MAST4: variants seen among roughly 807,000 people sequenced by gnomAD.
MAST4 encodes the protein microtubule associated serine/threonine kinase family member 4.
Under a neutral mutation model 162.7 loss-of-function variants are expected in MAST4, and 89 were observed. The observed-to-expected ratio is 0.55, with a 90% CI of 0.46 to 0.65. The LOEUF (loss-of-function observed/expected upper bound fraction) is 0.65, where lower values mean the gene tolerates loss of function less well. MAST4 is among the 30% of genes least tolerant of loss of function. MAST4 has a pLI of 0.00. For missense variants in MAST4, 3,153 were observed against 3,374.0 expected (o/e 0.93, Z 1.62); for synonymous variants, 1,479 against 1,361.1 (o/e 1.09, Z -1.91).
intron 8 of MAST4, 100 bp from the exon 9 acceptor site, chr5:67,102,436 T>C: frequency 9.6e-7 from 1 of 1,039,374 alleles, no homozygotes. Context: ...CTTACAAAGG[T>C]TGCATAGTAC....
chr5:66,902,635 T>C (rs1435928526), intron 4 of MAST4: 2 of 457,444 alleles, frequency 4.4e-6, no homozygotes, highest in Non-Finnish European at 9.0e-6. Flanking sequence ...TTGTTTTATA[T>C]ACATTTTTAA....
At chr5:66,780,077 A>G (rs1186985082) in intron 2 of MAST4, among the ~76,000 whole-genome samples, 1 of 152,198 alleles carries the variant, frequency 6.6e-6, no homozygotes, top group East Asian at 1.9e-4. Flanking sequence ...GTGGTAAAAA[A>G]TATACATACC....
At chr5:67,081,660 T>TA (rs1762671769) in intron 5 of MAST4, among the ~76,000 whole-genome samples, 1 of 152,210 alleles carries the variant, frequency 6.6e-6, no homozygotes, top group Admixed American at 6.5e-5. Context: ...CACTATGTAA[T>TA]ATATCTCTGT....
intron 1 of MAST4, among the ~76,000 whole-genome samples, chr5:66,658,124 T>C (rs1746670011): frequency 2.0e-5 from 3 of 152,238 alleles, no homozygotes; most frequent in African/African-American, 7.2e-5. Flanking sequence ...AAGAGAAGCA[T>C]TAAGTGGAAT....
intron 1 of MAST4, 106 bp from the exon 2 acceptor site, chr5:66,759,603 G>A (rs1261819257): frequency 2.2e-6 from 3 of 1,382,068 alleles, no homozygotes; most frequent in Non-Finnish European, 3.0e-6. Context: ...TGGGAGAATG[G>A]AGTTTGAGAA....
chr5:67,011,486 T>C (rs1187695138), intron 4 of MAST4, among the ~76,000 whole-genome samples: 1 of 152,238 alleles, frequency 6.6e-6, no homozygotes, highest in Non-Finnish European at 1.5e-5. Flanking sequence ...TCAGTCCTTC[T>C]GTCATTTCTA....
Position 67,021,457 on chromosome 5 carries a change from T to TA in MAST4, c.675-32938dup, listed in dbSNP as rs140139943. ...CTTCTAAACACATTTGAAAATACGC[T>TA]AAAAAAAAATCATTACAAATTGCAA... On this transcript the variant is annotated intron_variant, in intron 4 of 28. Transcript: ENST00000403625. Among the ~76,000 whole-genome samples the TA allele has an allele frequency of 6.0e-4, 91 of 151,622 alleles. No individual in the cohort carries two copies. In the South Asian group the frequency reaches 0.015, roughly 24 times the overall value.
chr5:66,618,033 T>TGGGGGGAGGGGGG (rs1743819311), intron 1 of MAST4, among the ~76,000 whole-genome samples: 1 of 143,672 alleles, frequency 7.0e-6, no homozygotes, highest in Non-Finnish European at 1.5e-5. Flanking sequence ...CTGGGAGGAA[T>TGGGGGGAGGGGGG]GGGGGGGGGG....
chr5:67,153,528 G>C lies in MAST4; in HGVS notation c.3596G>C (p.Gly1199Ala), dbSNP rs199850727. 1 of 1,600,342 alleles carries C rather than the reference G, an allele frequency of 6.2e-7. No homozygotes were observed. Among genetic ancestry groups the C allele is most frequent in the Non-Finnish European group, 8.5e-7 (1 of 1,172,956 alleles). ...KAGDLITHINGEPVHGLVHTE... is the reference protein window; with the variant it reads ...KAGDLITHINAEPVHGLVHTE... ...GGAGATCTTATCACTCACATCAATG[G>C]AGAACCAGTGCATGGACTTGTCCAC... Residue 1199 changes from glycine to alanine, a missense_variant, in exon 26 of 29, where the codon GGA (glycine) becomes GCA (alanine). By Grantham distance (60) the Gly-to-Ala change is moderately conservative (BLOSUM62 0). This residue lies in a region of MAST4 where 619 missense variants were observed against 744.2 expected (regional missense o/e 0.83). Coordinates refer to ENST00000403625, the MANE Select transcript of MAST4 (RefSeq NM_001164664.2).
At chr5:67,108,209 C>T (rs185902701) in intron 10 of MAST4, among the ~76,000 whole-genome samples, 1 of 152,288 alleles carries the variant, frequency 6.6e-6, no homozygotes, top group East Asian at 1.9e-4. Context: ...ACAAAATTCT[C>T]ATTTCTCTTT....
intron 25 of MAST4, among the ~76,000 whole-genome samples, chr5:67,153,209 T>C (rs1046103715): frequency 1.3e-5 from 2 of 152,236 alleles, no homozygotes; most frequent in Non-Finnish European, 2.9e-5. Flanking sequence ...CTGAAATGTT[T>C]TGGTCATTCA....
At position 66,845,085 on chromosome 5, in the gene MAST4, T is replaced by TTATATTTA. The variant is rs1554058454; in HGVS notation, c.643-54861_643-54860insTTATATAT. On this transcript the variant is annotated intron_variant, in intron 3 of 28. Transcript: ENST00000403625. ...ACTGACCCATTAAGGTCACTAATCT[T>TTATATTTA]TATATATATATATATATATATATAT... is the stretch of plus-strand genomic sequence containing the variant. Among the ~76,000 whole-genome samples the TTATATTTA allele has an allele frequency of 1.0e-4, 6 of 57,972 alleles. 1 individual carries two copies. The highest frequency in any genetic ancestry group is 4.2e-4 in the African/African-American group (6 of 14,118). The allele number at this position is 57,972 out of a possible 152,430, so 38.0% of individuals were successfully genotyped here.
intron 2 of MAST4, among the ~76,000 whole-genome samples, chr5:66,769,889 G>GCC (rs1367245194): frequency 6.6e-6 from 1 of 152,108 alleles, no homozygotes; most frequent in Admixed American, 6.5e-5. Context: ...AGAAGAAAAA[G>GCC]CCCAGATCCA....
intron 4 of MAST4, among the ~76,000 whole-genome samples, chr5:67,014,911 AT>A (rs1195562549): frequency 1.3e-5 from 2 of 152,232 alleles, no homozygotes; most frequent in Non-Finnish European, 2.9e-5. Context: ...TAACCTTACA[AT>A]TAGTCTACCT....
Position 66,949,366 on chromosome 5 carries a change from C to A in MAST4, c.674+49384C>A, listed in dbSNP as rs575595625. ...AGATAATTGCATCATGGTGGTTTAC[C>A]TCATGCTGTTCTCATGGTAGTGAGT... On this transcript the variant is annotated intron_variant, in intron 4 of 28. Transcript: ENST00000403625. Among the ~76,000 whole-genome samples the A allele has an allele frequency of 1.1e-4, 17 of 152,256 alleles. No individual in the cohort carries two copies. In the South Asian group the frequency reaches 3.5e-3, roughly 32 times the overall value.
chr5:66,605,148 A>G (rs992086574), intron 1 of MAST4, among the ~76,000 whole-genome samples: 26 of 152,306 alleles, frequency 1.7e-4, no homozygotes, highest in African/African-American at 6.0e-4. Context: ...TTACTCACAT[A>G]CTTTTAGCTG....
In MAST4 at chr5:66,619,485, A is replaced by G. The variant is rs535492000; in HGVS notation, c.363+22467A>G. ...TACCCTTTTCTCCTAATAGAGATAT[A>G]GAGAATGATACATTCTCCTCATATA... On this transcript the variant is annotated intron_variant, in intron 1 of 28. Transcript: ENST00000403625. Among the ~76,000 whole-genome samples the G allele has an allele frequency of 6.6e-5, 10 of 152,354 alleles. 1 individual carries two copies. The highest frequency in any genetic ancestry group is 2.4e-4 in the African/African-American group (10 of 41,582).
chr5:66,878,714 G>A (rs1451510770), intron 3 of MAST4, among the ~76,000 whole-genome samples: 1 of 152,180 alleles, frequency 6.6e-6, no homozygotes, highest in Non-Finnish European at 1.5e-5. Flanking sequence ...AAATGTCAGA[G>A]AACTCTTTTG....
chr5:66,618,174 C>T (rs1269841016), intron 1 of MAST4, among the ~76,000 whole-genome samples: 1 of 152,228 alleles, frequency 6.6e-6, no homozygotes, highest in Non-Finnish European at 1.5e-5. Flanking sequence ...GTGCTCTTTC[C>T]TGCCCACGGC....
Sources: allele counts gnomAD v4.1 joint callset (sites outside exome capture counted in the v4.1 genomes callset), GRCh38; gene constraint gnomAD v4.1.1; regional missense constraint gnomAD v4.1.1; transcripts MANE v1.5; gene names NCBI Gene and HGNC (gene_info 2026-07-23, HGNC 2026-07-21).